SMARCA4: variants seen among roughly 807,000 people sequenced by gnomAD.
The protein encoded by SMARCA4 is SWI/SNF-related matrix-associated actin-dependent regulator of chromatin subfamily A member 4.
A neutral mutation model predicts 193.9 loss-of-function variants in SMARCA4; 31 were observed. That is an observed-to-expected ratio of 0.16 (90% CI 0.12 to 0.22). The LOEUF (loss-of-function observed/expected upper bound fraction) is 0.22, where lower values mean the gene tolerates loss of function less well. Ranked by LOEUF, SMARCA4 falls within the 10% of genes least tolerant of loss-of-function variation. SMARCA4 has a pLI of 1.00. For missense variants in SMARCA4, 1,148 were observed against 2,296.0 expected, an observed-to-expected ratio of 0.50 and a Z score of 10.22; for synonymous variants, 942 against 933.1, an observed-to-expected ratio of 1.01 and a Z score of -0.17.
intron 30 of SMARCA4, among the ~76,000 whole-genome samples, chr19:11,046,640 A>G (rs2075937102): frequency 6.6e-6 from 1 of 152,170 alleles, no homozygotes; most frequent in East Asian, 1.9e-4. Context: ...GGGCACATCA[A>G]CTCAGGAAAG....
At position 11,021,605 on chromosome 19, in the gene SMARCA4, A is replaced by G. The variant is rs766891203; in HGVS notation, c.2617-120A>G. 1.5e-5 allele frequency: 19 copies of G among 1,287,160 alleles called. No homozygotes were observed. In the Admixed American group the frequency reaches 1.6e-4, roughly 11 times the overall value. 79.7% of individuals were successfully genotyped at this position (1,287,160 alleles called of 1,614,324 possible). A position where few individuals can be genotyped will look rare whatever the true frequency, so the allele number is the denominator to read the frequency against. On this transcript the variant is annotated intron_variant, in intron 18 of 34. Coordinates refer to ENST00000344626, the MANE Select transcript of SMARCA4 (RefSeq NM_003072.5). ...GCAGGACGTCAGGCCTGTGCTCTCC[A>G]CCCAGCTGCGCTCTTCCACCTGGAG...
intron 30 of SMARCA4, among the ~76,000 whole-genome samples, chr19:11,053,428 G>T (rs192761127): frequency 4.8e-4 from 72 of 150,236 alleles, no homozygotes; most frequent in African/African-American, 1.7e-3. Context: ...CTCCAGCCTG[G>T]GTGACAGAGT....
In SMARCA4 at chr19:10,988,142, C is replaced by T. The variant is rs561193458; in HGVS notation, c.1118+218C>T. Reference sequence around the variant, plus strand: ...TCTCTCTCTTTTTTTTTTTTTGAGACGGAGTTTCACTCTTGTTGCCCACGC... The same window carrying T: ...TCTCTCTCTTTTTTTTTTTTTGAGATGGAGTTTCACTCTTGTTGCCCACGC... On this transcript the variant is annotated intron_variant, in intron 6 of 34. Transcript: ENST00000344626. 6.6e-5 allele frequency among the ~76,000 whole-genome samples: 10 copies of T among 150,480 alleles called. No homozygotes were observed. The East Asian group carries it at 1.6e-3, about 23-fold the overall frequency.
intron 29 of SMARCA4, chr19:11,040,091 A>C (rs942434479): frequency 2.0e-5 from 3 of 152,094 alleles, no homozygotes; most frequent in African/African-American, 7.2e-5. Flanking sequence ...ACAACAACAA[A>C]AAAGAAAATT....
chr19:10,996,437 C>G (rs995774535), intron 10 of SMARCA4, 57 bp downstream of exon 10: 1 of 1,613,220 alleles, frequency 6.2e-7, no homozygotes, highest in African/African-American at 1.3e-5. Flanking sequence ...GCCGTCTTCA[C>G]GTGTGTGGCC....
At chr19:10,991,580 G>A (rs182991492) in intron 8 of SMARCA4, among the ~76,000 whole-genome samples, 1 of 152,374 alleles carries the variant, frequency 6.6e-6, no homozygotes, top group Admixed American at 6.5e-5. Flanking sequence ...CCAGGATAGA[G>A]AGGAAGGAAC....
rs1060502059 is a variant in SMARCA4 at position 10,984,371 on chromosome 19, A to C, written c.220A>C (p.Lys74Gln). The C allele has an allele frequency of 2.0e-5, 31 of 1,582,714 alleles. No individual in the cohort carries two copies. Among genetic ancestry groups the C allele is most frequent in the Non-Finnish European group, 2.3e-5 (27 of 1,164,366 alleles). The change falls in exon 2 of 35, where the codon AAG (lysine) becomes CAG (glutamine). Residue 74 changes from lysine (K) to glutamine (Q), a missense_variant and splice_region_variant. Physicochemically the swap from Lys to Gln is moderately conservative, Grantham distance 53. Around this residue, in one of 17 missense-constraint regions of SMARCA4, gnomAD observed 201 missense variants for 248.3 expected, o/e 0.81. Transcript: ENST00000344626. This position sits in a 1 kb window ranked among gnomAD's most constrained non-coding sequence, Gnocchi z 4.3. ...TCAGGACAACATGCACCAGATGCAC[A>C]AGGTAGGGATCCCTGTGCCCGCCTC... is the stretch of plus-strand genomic sequence containing the variant. ...YPQDNMHQMHKPMESMHEKGM... is the reference protein window; with the variant it reads ...YPQDNMHQMHQPMESMHEKGM...
At chr19:10,994,198 C>T (rs924434788) in intron 8 of SMARCA4, among the ~76,000 whole-genome samples, 1 of 151,808 alleles carries the variant, frequency 6.6e-6, no homozygotes, top group African/African-American at 2.4e-5. Context: ...TGCCACCACA[C>T]CTGGCTAATA....
At chr19:11,048,985 G>A (rs2076103713) in intron 30 of SMARCA4, among the ~76,000 whole-genome samples, 1 of 152,206 alleles carries the variant, frequency 6.6e-6, no homozygotes, top group African/African-American at 2.4e-5. Flanking sequence ...ACAGAGTGCA[G>A]TGACATGCCC....
intron 15 of SMARCA4, chr19:11,011,741 A>T (rs1288927298): frequency 1.3e-5 from 2 of 152,140 alleles, no homozygotes; most frequent in African/African-American, 4.8e-5. Flanking sequence ...GTAGTCCCAG[A>T]TAGTTGGGCG....
intron 19 of SMARCA4, 125 bp downstream of exon 19, chr19:11,022,092 C>T: frequency 1.4e-6 from 2 of 1,434,032 alleles, no homozygotes; most frequent in Non-Finnish European, 9.7e-7. Flanking sequence ...GAGTCTGCAT[C>T]TGCATGGAGC....
Position 11,058,126 on chromosome 19 carries a change from G to T in SMARCA4, c.4425-129G>T. Reference sequence around the variant, plus strand: ...CGTCTCAAAAAAAAAAAAAGCGCATGTGCAAGAAATAGCTCCTGAGCTGAG... The same window carrying T: ...CGTCTCAAAAAAAAAAAAAGCGCATTTGCAAGAAATAGCTCCTGAGCTGAG... On this transcript the variant is annotated intron_variant, in intron 30 of 34. Coordinates refer to ENST00000344626, the MANE Select transcript of SMARCA4 (RefSeq NM_003072.5). This position sits in a 1 kb window ranked among gnomAD's most constrained non-coding sequence, Gnocchi z 5.8. The T allele has an allele frequency of 7.6e-6, 5 of 657,290 alleles. No individual in the cohort carries two copies. The highest frequency in any genetic ancestry group is 6.6e-5 in the South Asian group (4 of 60,596). The allele number at this position is 657,290 out of a possible 1,614,324, so 40.7% of individuals were successfully genotyped here.
chr19:10,974,184 G>A (rs1019863754), intron 1 of SMARCA4, among the ~76,000 whole-genome samples: 1 of 152,158 alleles, frequency 6.6e-6, no homozygotes, highest in Non-Finnish European at 1.5e-5. Context: ...TTAGCAACCT[G>A]CCCTGCCTGG....
At chr19:10,979,451 C>A (rs1215703567) in intron 1 of SMARCA4, among the ~76,000 whole-genome samples, 1 of 147,328 alleles carries the variant, frequency 6.8e-6, no homozygotes, top group Non-Finnish European at 1.5e-5. Context: ...TTCTCTGTTG[C>A]CCACGATCAT....
chr19:11,039,605 A>G (rs759152638), intron 29 of SMARCA4: 2 of 1,066,768 alleles, frequency 1.9e-6, no homozygotes, highest in Admixed American at 5.5e-5. Flanking sequence ...AACACTGGGG[A>G]CGTGCCTAAT....
rs369676683 is a variant in SMARCA4 at position 10,996,465 on chromosome 19, G to C, written c.1762-29G>C. On this transcript the variant is annotated intron_variant, in intron 10 of 34. Transcript: ENST00000344626. ...GTGTGGCCTCAGCCTTGTGGGTCAGGGCCTGACCGTGTCTCTCTCTATTTC... is the reference window on the plus strand; with the variant it reads ...GTGTGGCCTCAGCCTTGTGGGTCAGCGCCTGACCGTGTCTCTCTCTATTTC... 7 of 1,614,174 alleles carry C rather than the reference G, an allele frequency of 4.3e-6. No individual in the cohort carries two copies. In the African/African-American group the frequency reaches 9.3e-5, roughly 22 times the overall value.
chr19:11,003,179 C>G lies in SMARCA4; in HGVS notation c.1943+20C>G, dbSNP rs559223589. 3.1e-6 allele frequency: 5 copies of G among 1,613,880 alleles called. No individual in the cohort carries two copies. The highest frequency in any genetic ancestry group is 2.7e-5 in the African/African-American group (2 of 75,008). On this transcript the variant is annotated intron_variant, in intron 12 of 34. Coordinates refer to ENST00000344626, the MANE Select transcript of SMARCA4 (RefSeq NM_003072.5). ...CCCGGGGTGAGTTGGGCCTTGCATT[C>G]CAGATGCAGTGGGGATCCAAGTCCT...
intron 1 of SMARCA4, among the ~76,000 whole-genome samples, chr19:10,973,707 C>G (rs555781590): frequency 2.0e-4 from 31 of 151,948 alleles, no homozygotes; most frequent in Middle Eastern, 6.8e-3. Flanking sequence ...GTAGCTGGGA[C>G]TACAGGCGCC....
rs746791185 is a variant in SMARCA4, at chr19:11,012,972, G to A, written c.2298G>A (p.Val766=). Residue 766 remains valine, a synonymous_variant, in exon 16 of 35, where the codon GTG becomes GTA. Transcript: ENST00000344626. ...QYQIKGLEWL[V]SLYNNNLNGI... ...AGATCAAAGGTTTGGAGTGGCTGGT[G>A]TCCCTGTACAACAACAACCTGAACG... The A allele has an allele frequency of 1.2e-6, 2 of 1,614,170 alleles. No individual in the cohort carries two copies. The highest frequency in any genetic ancestry group is 1.7e-6 in the Non-Finnish European group (2 of 1,180,032).
Sources: allele counts gnomAD v4.1 joint callset (sites outside exome capture counted in the v4.1 genomes callset), GRCh38; gene constraint gnomAD v4.1.1; regional missense constraint gnomAD v4.1.1; non-coding constraint Gnocchi (gnomAD v3.1); transcripts MANE v1.5; gene names NCBI Gene and HGNC (gene_info 2026-07-23, HGNC 2026-07-21).